ITGA2: variants seen among roughly 807,000 people sequenced by gnomAD.
The protein encoded by ITGA2 is integrin alpha-2.
Under a neutral mutation model 146.3 loss-of-function variants are expected in ITGA2, and 101 were observed. The observed-to-expected ratio is 0.69, with a 90% CI of 0.59 to 0.81. The LOEUF (loss-of-function observed/expected upper bound fraction) is 0.81. Among genes scored for constraint, ITGA2 ranks in the 40% least tolerant of loss-of-function variants. The pLI, the probability that ITGA2 is intolerant of heterozygous loss-of-function variation, is 0.00. For missense variants in ITGA2, 1,281 were observed against 1,402.7 expected (o/e 0.91, Z 1.39); for synonymous variants, 477 against 487.1 (o/e 0.98, Z 0.27).
intron 1 of ITGA2, among the ~76,000 whole-genome samples, chr5:52,994,016 G>A (rs1741099936): frequency 6.6e-6 from 1 of 152,148 alleles, no homozygotes. Context: ...CCCTACAGGG[G>A]AGAATCCTAG....
chr5:53,050,087 AAAGCCCCTTAT>A (rs1003966531), intron 6 of ITGA2, among the ~76,000 whole-genome samples: 5 of 152,154 alleles, frequency 3.3e-5, no homozygotes, highest in Admixed American at 1.3e-4. Flanking sequence ...CACCACTCTT[AAAGCCCCTTAT>A]AAGTTTTCAT....
intron 4 of ITGA2, among the ~76,000 whole-genome samples, chr5:53,047,111 C>G (rs916541178): frequency 1.3e-5 from 2 of 152,118 alleles, no homozygotes; most frequent in African/African-American, 4.8e-5. Context: ...ATGCCTTGTT[C>G]ATTGCACATG....
At chr5:53,086,050 GC>G (rs1474481999) in intron 27 of ITGA2, among the ~76,000 whole-genome samples, 6 of 152,030 alleles carry the variant, frequency 3.9e-5, no homozygotes, top group African/African-American at 1.4e-4. Flanking sequence ...GATTACAGGT[GC>G]CCACCACCAT....
chr5:53,087,093 C>T (rs765893378), intron 28 of ITGA2, 52 bp downstream of exon 28: 1 of 1,283,990 alleles, frequency 7.8e-7, no homozygotes, highest in Non-Finnish European at 1.1e-6. Context: ...GATGGCATTC[C>T]ACTTCTAAAA....
intron 2 of ITGA2, among the ~76,000 whole-genome samples, chr5:53,037,577 T>G (rs1743549829): frequency 6.6e-6 from 1 of 152,198 alleles, no homozygotes; most frequent in Admixed American, 6.5e-5. Flanking sequence ...TGGAATAGCC[T>G]CTTGGTGATG....
chr5:53,062,099 TTTTAA>T (rs1033389478), intron 12 of ITGA2, among the ~76,000 whole-genome samples: 21 of 151,852 alleles, frequency 1.4e-4, no homozygotes, highest in African/African-American at 5.1e-4. Flanking sequence ...GCTTTTCTTA[TTTTAA>T]TTTATCTCCA....
At position 53,044,536 on chromosome 5, in the gene ITGA2, G is replaced by A. The variant is rs3212459; in HGVS notation, c.296-465G>A. On this transcript the variant is annotated intron_variant, in intron 3 of 29. Coordinates refer to ENST00000296585, the MANE Select transcript of ITGA2 (RefSeq NM_002203.4). ...ATTTATTTAGTATATTATATGACTC[G>A]TCTAATTTCCTTTTAACATTCACCC... 1.4e-3 allele frequency among the ~76,000 whole-genome samples: 218 copies of A among 151,704 alleles called. 2 individuals carry two copies. The highest frequency in any genetic ancestry group is 5.0e-3 in the African/African-American group (206 of 41,376).
chr5:53,066,222 A>G (rs1172052422), intron 15 of ITGA2, among the ~76,000 whole-genome samples: 2 of 151,912 alleles, frequency 1.3e-5, no homozygotes, highest in Non-Finnish European at 1.5e-5. Flanking sequence ...TAGAAAACAT[A>G]AAGTTCTGGA....
chr5:53,046,063 C>A (rs1744066846), intron 4 of ITGA2, among the ~76,000 whole-genome samples: 1 of 151,552 alleles, frequency 6.6e-6, no homozygotes, highest in South Asian at 2.1e-4. Context: ...TGGTGGCACA[C>A]ACCTGTAATC....
chr5:53,015,243 A>G (rs967106446), intron 1 of ITGA2, among the ~76,000 whole-genome samples: 1 of 152,158 alleles, frequency 6.6e-6, no homozygotes, highest in Non-Finnish European at 1.5e-5. Context: ...AGCACTATCA[A>G]CTTTCCTCTT....
chr5:53,073,366 T>C (rs1745495430), intron 20 of ITGA2, 107 bp downstream of exon 20: 4 of 1,187,980 alleles, frequency 3.4e-6, no homozygotes, highest in South Asian at 1.2e-5. Context: ...ACCCTCAACA[T>C]GATCAATCTG....
At position 53,060,005 on chromosome 5, in the gene ITGA2, A is replaced by G. The variant is rs1744826442; in HGVS notation, c.1305A>G (p.Ser435=). The G allele has an allele frequency of 6.2e-7, 1 of 1,612,196 alleles. No individual in the cohort carries two copies. The stretch of plus-strand genomic sequence containing the variant: ...TTCTGCAGGACAGAAATCACAGTTC[A>G]TATTTAGGTAAGGCATGGTAATAAT... ...DQILQDRNHS[S]YLGYSVAAIS... is the part of the protein sequence containing the mutation. Residue 435 remains serine, a synonymous_variant, in exon 11 of 30, where the codon TCA becomes TCG. Coordinates refer to ENST00000296585, the MANE Select transcript of ITGA2 (RefSeq NM_002203.4).
chr5:52,995,315 G>A (rs1318821342), intron 1 of ITGA2, among the ~76,000 whole-genome samples: 1 of 152,146 alleles, frequency 6.6e-6, no homozygotes, highest in African/African-American at 2.4e-5. Flanking sequence ...GAGGCCAGGT[G>A]GAAAGCACCA....
At chr5:52,989,805 TACAC>T in intron 1 of ITGA2, among the ~76,000 whole-genome samples, 1 of 98,878 alleles carries the variant, frequency 1.0e-5, no homozygotes, top group Non-Finnish European at 2.2e-5. Flanking sequence ...TTGTTTTAGG[TACAC>T]ACACGCACAC....
chr5:53,033,080 T>C (rs1037331709), intron 2 of ITGA2, among the ~76,000 whole-genome samples: 3 of 152,088 alleles, frequency 2.0e-5, no homozygotes, highest in Non-Finnish European at 4.4e-5. Flanking sequence ...CCAGTCTGGC[T>C]AACATGGTGA....
At chr5:52,996,648 C>A (rs1741271718) in intron 1 of ITGA2, among the ~76,000 whole-genome samples, 1 of 152,202 alleles carries the variant, frequency 6.6e-6, no homozygotes, top group Non-Finnish European at 1.5e-5. Context: ...TTTCAAACAT[C>A]TTTTCACACT....
rs144025432 is a variant in ITGA2, at chr5:53,047,783, T to C, written c.388-580T>C. Among the ~76,000 whole-genome samples the C allele has an allele frequency of 8.5e-5, 13 of 152,320 alleles. No individual in the cohort carries two copies. The East Asian group carries it at 2.1e-3, about 25-fold the overall frequency. On this transcript the variant is annotated intron_variant, in intron 4 of 29. Transcript: ENST00000296585. Reference sequence around the variant, plus strand: ...TCAAGCGTTACTGCCATTAGGTTTATGGTTTCTGCTGAGCAGTATGAATGG... The same window carrying C: ...TCAAGCGTTACTGCCATTAGGTTTACGGTTTCTGCTGAGCAGTATGAATGG...
At chr5:53,028,990 G>A (rs1417821251) in intron 2 of ITGA2, among the ~76,000 whole-genome samples, 6 of 152,152 alleles carry the variant, frequency 3.9e-5, no homozygotes, top group East Asian at 3.8e-4. Context: ...AACATGGCTC[G>A]GCCAGGAACG....
At chr5:53,012,152 A>C (rs2111747377) in intron 1 of ITGA2, among the ~76,000 whole-genome samples, 1 of 152,308 alleles carries the variant, frequency 6.6e-6, no homozygotes, top group East Asian at 1.9e-4. Context: ...ACTGTATTTT[A>C]AATTTCATTG....
Sources: allele counts gnomAD v4.1 joint callset (sites outside exome capture counted in the v4.1 genomes callset), GRCh38; gene constraint gnomAD v4.1.1; transcripts MANE v1.5; gene names NCBI Gene and HGNC (gene_info 2026-07-23, HGNC 2026-07-21).